The following NLRP1 variants were observed in gnomAD, a reference collection of about 807,000 sequenced individuals.
NLRP1 encodes NLR family pyrin domain containing 1, also known as NACHT, LRR and PYD domains-containing protein 1.
Under a neutral mutation model 136.7 loss-of-function variants are expected in NLRP1, and 94 were observed. That is an observed-to-expected ratio of 0.69 (90% CI 0.58 to 0.82). The LOEUF (loss-of-function observed/expected upper bound fraction) is 0.82, where lower values mean the gene tolerates loss of function less well. Among genes scored for constraint, NLRP1 ranks in the 40% least tolerant of loss-of-function variants. The pLI is 0.00. For missense variants in NLRP1, 1,575 were observed against 1,802.7 expected (o/e 0.87, Z 2.29); for synonymous variants, 690 against 725.1 (o/e 0.95, Z 0.78).
In NLRP1 at chr17:5,559,906, A is replaced by G. The variant is rs1914533218; in HGVS notation, c.790T>C (p.Cys264Arg). ...PWEPSVRESL[C>R]STWPWKNEDF... is the part of the protein sequence containing the mutation. Reference sequence around the variant, plus strand: ...TCATTTTTCCAGGGCCATGTGGAACAGAGGCTCTCTCTCACAGAAGGCTCC... The same window carrying G: ...TCATTTTTCCAGGGCCATGTGGAACGGAGGCTCTCTCTCACAGAAGGCTCC... The change falls in exon 4 of 17, where the codon TGT (cysteine) becomes CGT (arginine). Residue 264 changes from cysteine (C) to arginine (R), a missense_variant. Physicochemically the swap from Cys to Arg is radical, Grantham distance 180. Coordinates refer to ENST00000572272, the MANE Select transcript of NLRP1 (RefSeq NM_033004.4). 6.2e-7 allele frequency: 1 copy of G among 1,614,124 alleles called. No homozygotes were observed. Among genetic ancestry groups the G allele is most frequent in the Non-Finnish European group, 8.5e-7 (1 of 1,180,044 alleles).
intron 5 of NLRP1, among the ~76,000 whole-genome samples, chr17:5,543,927 C>T (rs552349154): frequency 2.0e-4 from 30 of 152,190 alleles, no homozygotes; most frequent in African/African-American, 6.7e-4. Flanking sequence ...CACAGGGCCC[C>T]GTGCTCAGAA....
Position 5,559,748 on chromosome 17 carries a change from GTC to G in NLRP1, c.946_947del (p.Asp316LeufsTer66), listed in dbSNP as rs756363081. On this transcript the variant is annotated frameshift_variant, in exon 4 of 17. Transcript: ENST00000572272. LOFTEE classifies it high-confidence loss of function. ...ENRGHLIEIR[D>X]LFGPGLDTQE... ...GGGTATCCAGGCCTGGGCCAAATAA[GTC>G]TCTGATCTCAATTAAATGTCCTCGA... The G allele has an allele frequency of 6.8e-6, 11 of 1,614,244 alleles. No homozygotes were observed. The African/African-American group carries it at 1.2e-4, about 18-fold the overall frequency.
intron 14 of NLRP1, 103 bp downstream of exon 14, chr17:5,520,778 G>A (rs987169061): frequency 7.3e-6 from 8 of 1,097,570 alleles, no homozygotes; most frequent in South Asian, 2.4e-5. Context: ...GTTCAACCTC[G>A]ATTTATCCTG....
At chr17:5,566,164 T>A (rs111358679) in intron 3 of NLRP1, among the ~76,000 whole-genome samples, 3,647 of 152,232 alleles carry the variant, frequency 0.024, 155 homozygotes, top group African/African-American at 0.084. Context: ...CTTTTTAATT[T>A]CATTTATTTC....
At chr17:5,576,369 A>G (rs1317134793) in intron 3 of NLRP1, among the ~76,000 whole-genome samples, 1 of 152,262 alleles carries the variant, frequency 6.6e-6, no homozygotes, top group Non-Finnish European at 1.5e-5. Context: ...CAAAATTGAT[A>G]GACCGCTAGC....
Position 5,583,940 on chromosome 17 carries a change from C to T in NLRP1, c.18G>A (p.Trp6Ter). 1 of 1,609,052 alleles carries T rather than the reference C, an allele frequency of 6.2e-7. No homozygotes were observed. Among genetic ancestry groups the T allele is most frequent in the Admixed American group, 1.7e-5 (1 of 59,582 alleles). Reference sequence around the variant, plus strand: ...ACTCCAAGTAACAGGCCAGGCGGCCCCAGGCTCCGCCAGCCATCTCTGTCC... The same window carrying T: ...ACTCCAAGTAACAGGCCAGGCGGCCTCAGGCTCCGCCAGCCATCTCTGTCC... MAGGA[W>*]GRLACYLEFL... The change falls in exon 1 of 17, where the codon TGG becomes TGA. Residue 6 changes from tryptophan (W) to a stop codon, truncating the protein, a stop_gained. Coordinates refer to ENST00000572272, the MANE Select transcript of NLRP1 (RefSeq NM_033004.4). LOFTEE classifies it high-confidence loss of function. The surrounding 1 kb of genome is among the most constrained non-coding windows in gnomAD (Gnocchi z 4.5).
In NLRP1 at chr17:5,541,774, C is replaced by T; in HGVS notation, c.2699+83G>A. 2.1e-6 allele frequency: 3 copies of T among 1,419,148 alleles called. No homozygotes were observed. The South Asian group carries it at 3.6e-5, about 17-fold the overall frequency. 87.9% of individuals were successfully genotyped at this position (1,419,148 alleles called of 1,614,324 possible). A position where few individuals can be genotyped will look rare whatever the true frequency, so the allele number is the denominator to read the frequency against. On this transcript the variant is annotated intron_variant, in intron 6 of 16. Transcript: ENST00000572272. This position sits in a 1 kb window ranked among gnomAD's most constrained non-coding sequence, Gnocchi z 4.2. ...TCCCACTCCCACAAAGCAGGTCTCACCTTCTCTCTGCTCTTACCCTCTGCC... is the reference window on the plus strand; with the variant it reads ...TCCCACTCCCACAAAGCAGGTCTCATCTTCTCTCTGCTCTTACCCTCTGCC...
chr17:5,535,253 C>T (rs913924253), intron 8 of NLRP1, among the ~76,000 whole-genome samples: 1 of 151,892 alleles, frequency 6.6e-6, no homozygotes, highest in Admixed American at 6.6e-5. Flanking sequence ...CTGGGCCCCA[C>T]CCCAGAGATT....
intron 3 of NLRP1, among the ~76,000 whole-genome samples, chr17:5,564,998 A>G (rs1289291189): frequency 1.3e-5 from 2 of 152,026 alleles, no homozygotes; most frequent in East Asian, 3.9e-4. Context: ...CGGCCTCCCA[A>G]AGTGCTGGGA....
rs1915429185 is a variant in NLRP1, at chr17:5,567,172, T to C, written c.653-7129A>G. Among the ~76,000 whole-genome samples, 3 of 152,102 alleles carry C rather than the reference T, an allele frequency of 2.0e-5. No individual in the cohort carries two copies. The South Asian group carries it at 6.2e-4, about 32-fold the overall frequency. ...TTTAATCCATTTACATTACTTATTA[T>C]TGATAAGTAAGGACTTACTCTTGCC... is the stretch of plus-strand genomic sequence containing the variant. On this transcript the variant is annotated intron_variant, in intron 3 of 16. Transcript: ENST00000572272.
At chr17:5,531,363 A>G (rs147158334) in intron 11 of NLRP1, among the ~76,000 whole-genome samples, 237 of 152,246 alleles carry the variant, frequency 1.6e-3, no homozygotes, top group African/African-American at 5.4e-3. Context: ...CTACAGGTAC[A>G]TGTCACCACG....
At chr17:5,526,265 A>T (rs983439831) in intron 12 of NLRP1, among the ~76,000 whole-genome samples, 1 of 152,184 alleles carries the variant, frequency 6.6e-6, no homozygotes, top group African/African-American at 2.4e-5. Context: ...GGTGTGAGCC[A>T]CTGCACCCAG....
At chr17:5,557,066 C>T (rs1464445602) in intron 4 of NLRP1, among the ~76,000 whole-genome samples, 3 of 152,154 alleles carry the variant, frequency 2.0e-5, no homozygotes, top group South Asian at 2.1e-4. Context: ...TTCAGTATCA[C>T]GATCTCAGCT....
intron 3 of NLRP1, among the ~76,000 whole-genome samples, chr17:5,575,244 T>C (rs1324747017): frequency 6.6e-6 from 1 of 152,124 alleles, no homozygotes; most frequent in Admixed American, 6.5e-5. Context: ...GCTAACATCA[T>C]AATGACAGGA....
Position 5,520,936 on chromosome 17 carries a change from C to T in NLRP1, c.3860G>A (p.Gly1287Asp), listed in dbSNP as rs1407715631. Reference protein sequence around the residue: ...KPPPLTPLYMGCRYTVSGSGS... With the variant: ...KPPPLTPLYMDCRYTVSGSGS... ...AGACCCAGACACAGTGTAACGACAG[C>T]CCATATAAAGTGGGGTCAGCGGGGG... Residue 1287 changes from glycine (G) to aspartate (D), a missense_variant, in exon 14 of 17, where the codon GGC (glycine) becomes GAC (aspartate). Gly to Asp is a moderately conservative substitution (Grantham distance 94). Transcript: ENST00000572272. 6.2e-7 allele frequency: 1 copy of T among 1,611,980 alleles called. No individual in the cohort carries two copies. Among genetic ancestry groups the T allele is most frequent in the African/African-American group, 1.3e-5 (1 of 74,874 alleles).
rs1337287077 is a variant in NLRP1 at position 5,514,491 on chromosome 17, A to G, written c.*263T>C. 3.0e-6 allele frequency: 4 copies of G among 1,335,668 alleles called. No homozygotes were observed. The African/African-American group carries it at 5.9e-5, about 20-fold the overall frequency. The allele number at this position is 1,335,668 out of a possible 1,614,324, so 82.7% of individuals were successfully genotyped here. On this transcript the variant is annotated 3_prime_UTR_variant, in exon 17 of 17. Transcript: ENST00000572272. The stretch of plus-strand genomic sequence containing the variant: ...TCTAGGCTTGGCTGCTGTGGCCACC[A>G]GATGAGGCTCTATGAGGTCTGCAGG...
At chr17:5,536,688 G>T (rs1362085600) in intron 8 of NLRP1, among the ~76,000 whole-genome samples, 163 bp downstream of exon 8, 1 of 152,094 alleles carries the variant, frequency 6.6e-6, no homozygotes, top group East Asian at 1.9e-4. Flanking sequence ...GAAGCAAGGG[G>T]GGATTTGATT....
chr17:5,563,778 T>C (rs755576808), intron 3 of NLRP1, among the ~76,000 whole-genome samples: 4 of 152,196 alleles, frequency 2.6e-5, no homozygotes, highest in Non-Finnish European at 5.9e-5. Context: ...AAAGAATCCT[T>C]GTGAGATACT....
chr17:5,562,131 G>A (rs1914829979), intron 3 of NLRP1, among the ~76,000 whole-genome samples: 1 of 152,176 alleles, frequency 6.6e-6, no homozygotes, highest in African/African-American at 2.4e-5. Flanking sequence ...GTAGCCAGAT[G>A]GGCCACACCT....
Sources: gnomAD v4.1 joint callset for allele counts (sites outside exome capture counted in the v4.1 genomes callset) on GRCh38, gnomAD v4.1.1 for gene constraint, Gnocchi (gnomAD v3.1) non-coding constraint, MANE v1.5 for transcripts, NCBI Gene and HGNC (gene_info 2026-07-23, HGNC 2026-07-21) for gene names.